Variants in PDZRN4 observed in about 807,000 individuals in gnomAD.
PDZRN4 encodes PDZ domain containing ring finger 4, also known as PDZ domain-containing RING finger protein 4.
PDZRN4 carries 70 observed loss-of-function variants against 99.0 expected under a neutral mutation model. That is an observed-to-expected ratio of 0.71 (90% CI 0.58 to 0.86). PDZRN4 has a LOEUF of 0.86. PDZRN4 is among the 40% of genes least tolerant of loss of function. The pLI is 0.00. For synonymous variants in PDZRN4, 551 were observed against 501.6 expected, an observed-to-expected ratio of 1.10 and a Z score of -1.32; for missense variants, 1,474 against 1,331.2, an observed-to-expected ratio of 1.11 and a Z score of -1.67.
intron 4 of PDZRN4, among the ~76,000 whole-genome samples, chr12:41,508,205 G>A (rs540510583): frequency 6.6e-6 from 1 of 152,164 alleles, no homozygotes; most frequent in South Asian, 2.1e-4. Context: ...AAGTGACAGG[G>A]CCAGGCTTCT....
intron 5 of PDZRN4, among the ~76,000 whole-genome samples, chr12:41,543,640 A>G (rs1592104991): frequency 6.6e-6 from 1 of 152,208 alleles, no homozygotes. Context: ...ATCTTTCTCC[A>G]TCTTTGGCTT....
At chr12:41,419,414 A>G (rs1395956570) in intron 3 of PDZRN4, among the ~76,000 whole-genome samples, 1 of 152,158 alleles carries the variant, frequency 6.6e-6, no homozygotes, top group Non-Finnish European at 1.5e-5. Context: ...TGCCCCTCAG[A>G]CAGCTGGTCC....
chr12:41,298,269 A>C (rs1951508733), intron 3 of PDZRN4, among the ~76,000 whole-genome samples: 1 of 152,146 alleles, frequency 6.6e-6, no homozygotes, highest in African/African-American at 2.4e-5. Context: ...TCCCAGTGAT[A>C]ATTTGTAGTG....
rs79450825 is a variant in PDZRN4, at chr12:41,442,727, G to A, written c.844-63729G>A. Among the ~76,000 whole-genome samples, 11 of 152,234 alleles carry A rather than the reference G, an allele frequency of 7.2e-5. No homozygotes were observed. The East Asian group carries it at 2.1e-3, about 29-fold the overall frequency. On this transcript the variant is annotated intron_variant, in intron 3 of 9. Coordinates refer to ENST00000402685, the MANE Select transcript of PDZRN4 (RefSeq NM_001164595.2). ...CTCAGAAATTTATATTGTGAAGTAG[G>A]ACACTAGTAATGGGGCAAGGGTACA...
At chr12:41,289,388 T>A (rs900826061) in intron 3 of PDZRN4, among the ~76,000 whole-genome samples, 1 of 152,156 alleles carries the variant, frequency 6.6e-6, no homozygotes, top group African/African-American at 2.4e-5. Flanking sequence ...TGGGTGGAGA[T>A]GTGATTTTCA....
intron 3 of PDZRN4, among the ~76,000 whole-genome samples, chr12:41,246,715 T>C (rs1951135968): frequency 6.6e-6 from 1 of 152,196 alleles, no homozygotes; most frequent in African/African-American, 2.4e-5. Flanking sequence ...TCCCATTCAG[T>C]GGGAGTTGTA....
intron 3 of PDZRN4, among the ~76,000 whole-genome samples, chr12:41,442,503 C>G (rs990181564): frequency 6.6e-6 from 1 of 152,140 alleles, no homozygotes; most frequent in African/African-American, 2.4e-5. Context: ...CACCTTCACT[C>G]TCACAGCAGA....
intron 3 of PDZRN4, among the ~76,000 whole-genome samples, chr12:41,454,074 C>T (rs1234120231): frequency 2.0e-5 from 3 of 151,362 alleles, no homozygotes; most frequent in African/African-American, 7.3e-5. Context: ...CATAATGGCT[C>T]ATTTTATGCT....
At chr12:41,212,064 T>C (rs1950892000) in intron 3 of PDZRN4, among the ~76,000 whole-genome samples, 1 of 151,986 alleles carries the variant, frequency 6.6e-6, no homozygotes, top group Admixed American at 6.6e-5. Context: ...GCCCTGTACC[T>C]GTCAGCCTAA....
At chr12:41,483,581 C>T (rs1054923001) in intron 3 of PDZRN4, among the ~76,000 whole-genome samples, 3 of 152,122 alleles carry the variant, frequency 2.0e-5, no homozygotes, top group African/African-American at 7.2e-5. Context: ...TTAAAATACT[C>T]CTATTATCTG....
intron 3 of PDZRN4, among the ~76,000 whole-genome samples, chr12:41,231,514 C>T (rs1355934198): frequency 1.3e-5 from 2 of 151,968 alleles, no homozygotes; most frequent in Admixed American, 1.3e-4. Flanking sequence ...AATAGATTTC[C>T]CTGGAGGTAT....
intron 3 of PDZRN4, among the ~76,000 whole-genome samples, chr12:41,458,849 C>G (rs1013342719): frequency 7.2e-5 from 11 of 152,086 alleles, no homozygotes; most frequent in African/African-American, 2.7e-4. Flanking sequence ...CAGAGCAGCA[C>G]AGTTTGGTGA....
chr12:41,377,704 C>T (rs1276065293), intron 3 of PDZRN4, among the ~76,000 whole-genome samples: 1 of 151,998 alleles, frequency 6.6e-6, no homozygotes, highest in Non-Finnish European at 1.5e-5. Context: ...AGATTGTTCA[C>T]CTCTTTGATT....
At chr12:41,373,980 C>T (rs12427081) in intron 3 of PDZRN4, among the ~76,000 whole-genome samples, 25,900 of 152,152 alleles carry the variant, frequency 0.17, 2,770 homozygotes, top group Non-Finnish European at 0.24. Context: ...CCACAACACA[C>T]AGGTTCTTGG....
chr12:41,392,462 A>T (rs1952216574), intron 3 of PDZRN4, among the ~76,000 whole-genome samples: 1 of 152,076 alleles, frequency 6.6e-6, no homozygotes, highest in Non-Finnish European at 1.5e-5. Flanking sequence ...CACTAACTTG[A>T]TGTCTTAGCT....
chr12:41,438,033 C>A, intron 3 of PDZRN4: 1 of 1,612,284 alleles, frequency 6.2e-7, no homozygotes, highest in Non-Finnish European at 8.5e-7. Flanking sequence ...GGGTCTGATA[C>A]CAGCAACTAA....
At chr12:41,281,870 A>T (rs182176362) in intron 3 of PDZRN4, among the ~76,000 whole-genome samples, 1 of 152,290 alleles carries the variant, frequency 6.6e-6, no homozygotes, top group African/African-American at 2.4e-5. Context: ...CTCCTGAAGA[A>T]AGCACTAAAT....
chr12:41,519,636 G>A (rs1012176002), intron 5 of PDZRN4, among the ~76,000 whole-genome samples: 2 of 151,838 alleles, frequency 1.3e-5, no homozygotes, highest in African/African-American at 2.4e-5. Flanking sequence ...GCTCTTCAAT[G>A]CCTTTTCATA....
chr12:41,240,800 T>G (rs1039837523), intron 3 of PDZRN4, among the ~76,000 whole-genome samples: 1 of 152,164 alleles, frequency 6.6e-6, no homozygotes, highest in Non-Finnish European at 1.5e-5. Context: ...CTAATCCTAT[T>G]CACTATTCAT....
Sources: gnomAD v4.1 joint callset for allele counts (sites outside exome capture counted in the v4.1 genomes callset) on GRCh38, gnomAD v4.1.1 for gene constraint, MANE v1.5 for transcripts, NCBI Gene and HGNC (gene_info 2026-07-23, HGNC 2026-07-21) for gene names.